Variants in MYO9B observed in about 807,000 individuals in gnomAD.
MYO9B encodes unconventional myosin-IXb.
A neutral mutation model predicts 229.5 loss-of-function variants in MYO9B; 71 were observed. The ratio of observed to expected loss-of-function variants is 0.31; its 90% CI spans 0.26 to 0.38. The LOEUF (loss-of-function observed/expected upper bound fraction) is 0.38, where lower values mean the gene tolerates loss of function less well. Ranked by LOEUF, MYO9B falls within the 10% of genes least tolerant of loss-of-function variation. The probability of loss-of-function intolerance (pLI) is 1.00; values close to 1 mark genes in which losing one functional copy is unlikely to be tolerated. For synonymous variants in MYO9B, 1,185 were observed against 1,235.8 expected, an observed-to-expected ratio of 0.96 and a Z score of 0.86; for missense variants, 2,255 against 2,920.5, an observed-to-expected ratio of 0.77 and a Z score of 5.25.
chr19:17,126,569 C>G (rs886643452), intron 2 of MYO9B, among the ~76,000 whole-genome samples: 1 of 152,128 alleles, frequency 6.6e-6, no homozygotes, highest in Non-Finnish European at 1.5e-5. Flanking sequence ...AGACCCAGAC[C>G]GATGTGGCTG....
chr19:17,173,313 T>TTTAA (rs547342934), intron 13 of MYO9B, among the ~76,000 whole-genome samples: 2 of 125,884 alleles, frequency 1.6e-5, no homozygotes, highest in African/African-American at 6.2e-5. Flanking sequence ...TTTTTTTTTT[T>TTTAA]AGAGACAGGG....
At chr19:17,120,729 T>C (rs2057955545) in intron 2 of MYO9B, among the ~76,000 whole-genome samples, 1 of 151,454 alleles carries the variant, frequency 6.6e-6, no homozygotes. Context: ...TCATGGTGAG[T>C]ATTGAATAAA....
intron 1 of MYO9B, among the ~76,000 whole-genome samples, chr19:17,077,703 G>A (rs748280184): frequency 2.6e-4 from 40 of 152,032 alleles, no homozygotes; most frequent in Non-Finnish European, 5.4e-4. Flanking sequence ...TCTCATCACC[G>A]TCTTGTCTCC....
Position 17,167,988 on chromosome 19 carries a change from A to G in MYO9B, c.1717A>G (p.Thr573Ala). 6.2e-7 allele frequency: 1 copy of G among 1,604,628 alleles called. No individual in the cohort carries two copies. The highest frequency in any genetic ancestry group is 8.5e-7 in the Non-Finnish European group (1 of 1,175,942). Residue 573 changes from threonine (T) to alanine (A), a missense_variant, in exon 11 of 40, where the codon ACA becomes GCA. This residue lies in a region of MYO9B where 220 missense variants were observed against 404.5 expected (regional missense o/e 0.54). Transcript: ENST00000682292. Reference sequence around the variant, plus strand: ...GATCACGTGGCACAACATCGGCTACACAGACAATGTCGGCTGCATCCATCT... The same window carrying G: ...GATCACGTGGCACAACATCGGCTACGCAGACAATGTCGGCTGCATCCATCT... ...EGITWHNIGYTDNVGCIHLIS... is the reference protein window; with the variant it reads ...EGITWHNIGYADNVGCIHLIS...
In MYO9B at chr19:17,202,210, C is replaced by G. The variant is rs755780838; in HGVS notation, c.4743C>G (p.Gly1581=). ...TCAGCAACCTGGCCACTGAGCGTGG[C>G]CAGAAGGACACCAACCTGGTCCTCA... ...IVVSNLATER[G]QKDTNLVLNL... The change falls in exon 28 of 40, where the codon GGC becomes GGG. Residue 1581 remains glycine (G), a synonymous_variant. Transcript: ENST00000682292. 5.0e-6 allele frequency: 8 copies of G among 1,612,770 alleles called. No individual in the cohort carries two copies. The Admixed American group carries it at 1.0e-4, about 20-fold the overall frequency.
intron 8 of MYO9B, among the ~76,000 whole-genome samples, chr19:17,161,317 G>A (rs115137653): frequency 0.026 from 3,988 of 152,106 alleles, 188 homozygotes; most frequent in African/African-American, 0.092. Context: ...GTCTGTTAAC[G>A]CCTCAGTGTG....
intron 2 of MYO9B, among the ~76,000 whole-genome samples, chr19:17,121,035 C>T (rs551592290): frequency 6.6e-6 from 1 of 152,288 alleles, no homozygotes; most frequent in East Asian, 1.9e-4. Context: ...CTCCACCTCC[C>T]GGACTCAAGC....
intron 2 of MYO9B, among the ~76,000 whole-genome samples, chr19:17,115,796 AG>A (rs1166979681): frequency 6.6e-6 from 1 of 151,728 alleles, no homozygotes; most frequent in Non-Finnish European, 1.5e-5. Context: ...TCTTCTGCTC[AG>A]CTCCCCCTTC....
At chr19:17,205,230 C>T in intron 30 of MYO9B, 33 bp from the exon 31 acceptor site, 1 of 1,600,530 alleles carries the variant, frequency 6.2e-7, no homozygotes, top group Non-Finnish European at 8.6e-7. Context: ...GTCCCCAGCA[C>T]CCTCTGTGAC....
At chr19:17,155,745 G>A (rs767623005) in intron 6 of MYO9B, among the ~76,000 whole-genome samples, 11 of 151,562 alleles carry the variant, frequency 7.3e-5, no homozygotes, top group South Asian at 2.1e-4. Flanking sequence ...TGGCCCGGGC[G>A]CAGTGGCTCA....
rs199689504 is a variant in MYO9B, at chr19:17,195,215, C to T, written c.3788C>T (p.Pro1263Leu). 7.7e-5 allele frequency: 124 copies of T among 1,611,306 alleles called. No individual in the cohort carries two copies. The highest frequency in any genetic ancestry group is 2.7e-4 in the African/African-American group (20 of 74,784). ...SLALDSRVSP[P>L]APGSAPETPE... ...GCCCTGGACAGCAGGGTCAGCCCAC[C>T]GGCCCCTGGCAGCGCCCCCGAGACC... The change falls in exon 22 of 40, where the codon CCG becomes CTG. Residue 1263 changes from proline (P) to leucine (L), a missense_variant. Pro to Leu is a moderately conservative substitution (Grantham distance 98). This residue lies in a region of MYO9B where 679 missense variants were observed against 770.2 expected (regional missense o/e 0.88). Transcript: ENST00000682292. The surrounding 1 kb of genome is among the most constrained non-coding windows in gnomAD (Gnocchi z 4.5).
intron 1 of MYO9B, among the ~76,000 whole-genome samples, chr19:17,090,061 C>G (rs987030589): frequency 4.8e-5 from 7 of 146,970 alleles, no homozygotes; most frequent in East Asian, 2.0e-4. Flanking sequence ...ACTTCTCTCA[C>G]TCAGCATCAT....
intron 2 of MYO9B, among the ~76,000 whole-genome samples, chr19:17,113,175 T>A (rs1274284690): frequency 6.6e-6 from 1 of 152,080 alleles, no homozygotes; most frequent in Non-Finnish European, 1.5e-5. Flanking sequence ...AGGCTGAGGG[T>A]CTCTGAGACC....
chr19:17,092,185 G>C (rs1205666702), intron 1 of MYO9B, among the ~76,000 whole-genome samples: 2 of 152,228 alleles, frequency 1.3e-5, no homozygotes, highest in Non-Finnish European at 2.9e-5. Context: ...GCTGCTCTCT[G>C]CTGTGAAGGA....
At chr19:17,152,577 ACAACT>A (rs2072490634) in intron 3 of MYO9B, 62 bp from the exon 4 acceptor site, 6 of 1,408,810 alleles carry the variant, frequency 4.3e-6, no homozygotes, top group Admixed American at 4.3e-5. Context: ...AAAAAAAAAA[ACAACT>A]CAATATTAAC....
intron 13 of MYO9B, among the ~76,000 whole-genome samples, chr19:17,175,159 G>A (rs2072771636): frequency 6.6e-6 from 1 of 151,472 alleles, no homozygotes; most frequent in Non-Finnish European, 1.5e-5. Flanking sequence ...TGTAGCCCCA[G>A]CTACTTGGGA....
rs191064305 is a variant in MYO9B, at chr19:17,201,742, A to G, written c.4564-184A>G. The stretch of plus-strand genomic sequence containing the variant: ...AATGTGGAGAGTAGTCCTGCCCTCA[A>G]TGTCAGTGGCTTTAACTCTGGGTTG... On this transcript the variant is annotated intron_variant, in intron 26 of 39. Transcript: ENST00000682292. 2.4e-3 allele frequency among the ~76,000 whole-genome samples: 371 copies of G among 152,072 alleles called. 4 individuals are homozygous for G. Among genetic ancestry groups the G allele is most frequent in the Admixed American group, 0.02 (300 of 15,278 alleles).
chr19:17,132,278 T>A (rs12979944), intron 2 of MYO9B, among the ~76,000 whole-genome samples: 68,948 of 139,346 alleles, frequency 0.49, 16,897 homozygotes, highest in Non-Finnish European at 0.5. Flanking sequence ...CTCCACCTCC[T>A]GGGTTCAAGC....
In MYO9B at chr19:17,194,565, G is replaced by A. The variant is rs1187396779; in HGVS notation, c.3138G>A (p.Gln1046=). The part of the protein sequence containing the change: ...RGHLQRKSFS[Q]MISEKQKAEE... Reference sequence around the variant, plus strand: ...TTTTTCCTCACTCCAGCTTCAGCCAGATGATCTCGGAGAAGCAGAAGGCAG... The same window carrying A: ...TTTTTCCTCACTCCAGCTTCAGCCAAATGATCTCGGAGAAGCAGAAGGCAG... Residue 1046 remains glutamine (Q), a synonymous_variant, in exon 22 of 40, where the codon CAG becomes CAA. Coordinates refer to ENST00000682292, the MANE Select transcript of MYO9B (RefSeq NM_004145.4). 2 of 1,612,630 alleles carry A rather than the reference G, an allele frequency of 1.2e-6. No homozygotes were observed. Among genetic ancestry groups the A allele is most frequent in the African/African-American group, 1.3e-5 (1 of 75,070 alleles).
Sources: gnomAD v4.1 joint callset for allele counts (sites outside exome capture counted in the v4.1 genomes callset) on GRCh38, gnomAD v4.1.1 for gene constraint, gnomAD v4.1.1 regional missense constraint, Gnocchi (gnomAD v3.1) non-coding constraint, MANE v1.5 for transcripts, NCBI Gene and HGNC (gene_info 2026-07-23, HGNC 2026-07-21) for gene names.